Variants in CNTNAP3 observed in about 807,000 individuals in gnomAD.
The protein encoded by CNTNAP3 is contactin-associated protein-like 3.
A neutral mutation model predicts 92.1 loss-of-function variants in CNTNAP3; 36 were observed. The observed-to-expected ratio is 0.39, with a 90% CI of 0.30 to 0.52. The LOEUF (loss-of-function observed/expected upper bound fraction) is 0.52. Among genes scored for constraint, CNTNAP3 ranks in the 20% least tolerant of loss-of-function variants. The probability of loss-of-function intolerance (pLI) is 0.76; values close to 1 mark genes in which losing one functional copy is unlikely to be tolerated. For missense variants in CNTNAP3, 534 were observed against 1,069.6 expected, an observed-to-expected ratio of 0.50 and a Z score of 6.98; for synonymous variants, 232 against 422.3, an observed-to-expected ratio of 0.55 and a Z score of 5.53.
rs4062895 is a variant in CNTNAP3, at chr9:39,146,146, C to G, written c.1650-1800G>C. ...CAACATGAATTGTGAAAAATTTACA[C>G]GTAGTACAAATAATAGAGGAAGTAG... is the stretch of plus-strand genomic sequence containing the variant. On this transcript the variant is annotated intron_variant, in intron 10 of 23. Coordinates refer to ENST00000297668, the MANE Select transcript of CNTNAP3 (RefSeq NM_033655.5). Among the ~76,000 whole-genome samples, 3 of 147,802 alleles carry G rather than the reference C, an allele frequency of 2.0e-5. No individual in the cohort carries two copies. In the East Asian group the frequency reaches 6.0e-4, roughly 29 times the overall value.
At chr9:39,120,204 G>T (rs2117975281) in intron 13 of CNTNAP3, among the ~76,000 whole-genome samples, 1 of 152,264 alleles carries the variant, frequency 6.6e-6, no homozygotes, top group East Asian at 1.9e-4. Flanking sequence ...AAAGCAGCCT[G>T]AGAGAATAAC....
At position 39,103,883 on chromosome 9, in the gene CNTNAP3, A is replaced by T. The variant is rs1826529399; in HGVS notation, c.2397T>A (p.Thr799=). The T allele has an allele frequency of 6.2e-7, 1 of 1,610,468 alleles. No homozygotes were observed. The highest frequency in any genetic ancestry group is 1.7e-5 in the Admixed American group (1 of 59,830). The part of the protein sequence containing the change: ...QSFWNSASFN[T]ETSYLHFPAF... ...CAGGGAAATGAAGGTATGAAGTCTCAGTGTTGAAGGAAGCTGAATTCCAGA... is the reference window on the plus strand; with the variant it reads ...CAGGGAAATGAAGGTATGAAGTCTCTGTGTTGAAGGAAGCTGAATTCCAGA... Residue 799 remains threonine, a synonymous_variant, in exon 16 of 24, where the codon ACT becomes ACA. Coordinates refer to ENST00000297668, the MANE Select transcript of CNTNAP3 (RefSeq NM_033655.5).
chr9:39,118,399 G>A, intron 13 of CNTNAP3, 140 bp from the exon 14 acceptor site: 2 of 1,205,874 alleles, frequency 1.7e-6, no homozygotes, highest in Non-Finnish European at 2.3e-6. Flanking sequence ...TTAAATACTT[G>A]TATTTTACCT....
chr9:39,109,218 T>C lies in CNTNAP3; in HGVS notation c.2307A>G (p.Ala769=). Residue 769 remains alanine, a synonymous_variant, in exon 15 of 24, where the codon GCA becomes GCG. Transcript: ENST00000297668. ...LPVTQIVMTD[A]GRPHSEAAYT... is the part of the protein sequence containing the mutation. ...AAGCTGCTTCGGAATGTGGTCGGCC[T>C]GCGTCTGTCATCACAATCTGAGTGA... The C allele has an allele frequency of 6.2e-7, 1 of 1,612,986 alleles. No homozygotes were observed. Among genetic ancestry groups the C allele is most frequent in the South Asian group, 1.1e-5 (1 of 91,008 alleles).
At position 39,078,770 on chromosome 9, in the gene CNTNAP3, G is replaced by A; in HGVS notation, c.3593C>T (p.Ala1198Val). ...PSRVTVRGHV[A>V]PMARCAAGAA... The stretch of plus-strand genomic sequence containing the variant: ...CCCCGCTGCGCAGCGGGCCATAGGG[G>A]CCACGTGGCCGCGGACGGTGACCCG... The change falls in exon 22 of 24, where the codon GCC (alanine) becomes GTC (valine). Residue 1198 changes from alanine (A) to valine (V), a missense_variant. By Grantham distance (64) the Ala-to-Val change is moderately conservative. Coordinates refer to ENST00000297668, the MANE Select transcript of CNTNAP3 (RefSeq NM_033655.5). The A allele has an allele frequency of 2.6e-6, 4 of 1,517,612 alleles. No individual in the cohort carries two copies. The highest frequency in any genetic ancestry group is 3.5e-6 in the Non-Finnish European group (4 of 1,139,748). The allele number at this position is 1,517,612 out of a possible 1,614,324, so 94.0% of individuals were successfully genotyped here. A position where few individuals can be genotyped will look rare whatever the true frequency, so the allele number is the denominator to read the frequency against.
intron 4 of CNTNAP3, among the ~76,000 whole-genome samples, chr9:39,179,275 C>G (rs1307781850): frequency 1.2e-5 from 1 of 80,978 alleles, no homozygotes; most frequent in Admixed American, 1.6e-4. Context: ...CCTTAAAACT[C>G]TCTCTCTCTC....
In CNTNAP3 at chr9:39,078,963, A is replaced by C. The variant is rs1052129882; in HGVS notation, c.3443-43T>G. 314 of 1,466,918 alleles carry C rather than the reference A, an allele frequency of 2.1e-4. No individual in the cohort carries two copies. The African/African-American group carries it at 3.9e-3, about 18-fold the overall frequency. 90.9% of individuals were successfully genotyped at this position (1,466,918 alleles called of 1,614,324 possible). A position where few individuals can be genotyped will look rare whatever the true frequency, so the allele number is the denominator to read the frequency against. ...ACACACAGTTAGGGCGCAGCGGCGGAGATGGGGGCGCAGGCACACCCCGCA... is the reference window on the plus strand; with the variant it reads ...ACACACAGTTAGGGCGCAGCGGCGGCGATGGGGGCGCAGGCACACCCCGCA... On this transcript the variant is annotated intron_variant, in intron 21 of 23. Coordinates refer to ENST00000297668, the MANE Select transcript of CNTNAP3 (RefSeq NM_033655.5).
Position 39,104,466 on chromosome 9 carries a change from GCACATA to G in CNTNAP3, c.2366-558_2366-553del, listed in dbSNP as rs1214564486. On this transcript the variant is annotated intron_variant, in intron 15 of 23. Coordinates refer to ENST00000297668, the MANE Select transcript of CNTNAP3 (RefSeq NM_033655.5). ...AACACAGACTCTTGCTTTCCTTCCT[GCACATA>G]CACATACACACACACACACACACAC... Among the ~76,000 whole-genome samples, 1,068 of 112,140 alleles carry G rather than the reference GCACATA, an allele frequency of 9.5e-3. 3 individuals carry two copies. Among genetic ancestry groups the G allele is most frequent in the Non-Finnish European group, 0.015 (769 of 52,742 alleles). The allele number at this position is 112,140 out of a possible 152,430, so 73.6% of individuals were successfully genotyped here.
intron 15 of CNTNAP3, among the ~76,000 whole-genome samples, chr9:39,106,104 G>C (rs974654458): frequency 1.3e-5 from 2 of 152,082 alleles, no homozygotes; most frequent in African/African-American, 4.8e-5. Flanking sequence ...TAACCCAGTG[G>C]TCATTCCTTG....
chr9:39,132,913 C>A lies in CNTNAP3; in HGVS notation c.2080+19G>T. On this transcript the variant is annotated intron_variant, in intron 13 of 23. Transcript: ENST00000297668. Reference sequence around the variant, plus strand: ...CCCCGGCCCCGTGAACCCCTGTAGCCTCCAGGAGTGGCGCTTACCTCGTGA... The same window carrying A: ...CCCCGGCCCCGTGAACCCCTGTAGCATCCAGGAGTGGCGCTTACCTCGTGA... 1.3e-6 allele frequency: 2 copies of A among 1,538,106 alleles called. No individual in the cohort carries two copies. Among genetic ancestry groups the A allele is most frequent in the Non-Finnish European group, 8.7e-7 (1 of 1,151,296 alleles).
At chr9:39,110,335 G>A (rs900061740) in intron 14 of CNTNAP3, among the ~76,000 whole-genome samples, 17 of 152,140 alleles carry the variant, frequency 1.1e-4, no homozygotes, top group African/African-American at 3.6e-4. Context: ...GGTAGAGGCT[G>A]TAGTGAGCCA....
chr9:39,119,767 T>C (rs921887859), intron 13 of CNTNAP3, among the ~76,000 whole-genome samples: 1 of 152,054 alleles, frequency 6.6e-6, no homozygotes, highest in Non-Finnish European at 1.5e-5. Context: ...CGAAGAGAAT[T>C]CTGAAAGGTA....
intron 13 of CNTNAP3, among the ~76,000 whole-genome samples, chr9:39,129,186 A>C (rs56295228): frequency 0.16 from 23,912 of 151,918 alleles, 2,066 homozygotes; most frequent in East Asian, 0.2. Context: ...AGACTTACTT[A>C]AACAATCTTG....
At chr9:39,107,954 T>A (rs1826646830) in intron 15 of CNTNAP3, among the ~76,000 whole-genome samples, 1 of 152,140 alleles carries the variant, frequency 6.6e-6, no homozygotes, top group Non-Finnish European at 1.5e-5. Flanking sequence ...AAGGATAACA[T>A]ATCTGTCAAG....
rs867782013 is a variant in CNTNAP3 at position 39,095,008 on chromosome 9, T to C, written c.2995+4903A>G. Among the ~76,000 whole-genome samples, 2 of 151,234 alleles carry C rather than the reference T, an allele frequency of 1.3e-5. 1 individual carries two copies. The highest frequency in any genetic ancestry group is 3.9e-4 in the East Asian group (2 of 5,146). ...TCTATTTAGTTCTTTCTTTAATCTC[T>C]TTCAACAACGTTTTATAGTTTTCAA... On this transcript the variant is annotated intron_variant, in intron 18 of 23. Coordinates refer to ENST00000297668, the MANE Select transcript of CNTNAP3 (RefSeq NM_033655.5).
intron 9 of CNTNAP3, chr9:39,159,397 T>TTATATATATA (rs577052848): frequency 7.5e-6 from 1 of 132,722 alleles, no homozygotes; most frequent in Admixed American, 7.5e-5. Flanking sequence ...AAAAAACATT[T>TTATATATATA]TATATATATA....
At chr9:39,138,730 G>A (rs1272746657) in intron 12 of CNTNAP3, among the ~76,000 whole-genome samples, 1 of 152,180 alleles carries the variant, frequency 6.6e-6, no homozygotes, top group Non-Finnish European at 1.5e-5. Context: ...TGTCCACATC[G>A]AACATCCAAC....
At chr9:39,140,958 T>C (rs780082417) in intron 11 of CNTNAP3, among the ~76,000 whole-genome samples, 1 of 152,190 alleles carries the variant, frequency 6.6e-6, no homozygotes, top group Non-Finnish European at 1.5e-5. Context: ...TGTTCAAACA[T>C]GAAGATGTGC....
intron 13 of CNTNAP3, among the ~76,000 whole-genome samples, chr9:39,128,592 T>G (rs770056498): frequency 1.3e-5 from 2 of 151,988 alleles, no homozygotes; most frequent in Non-Finnish European, 2.9e-5. Flanking sequence ...GAAACAAGAA[T>G]GAATGCTTTT....
Sources: gnomAD v4.1 joint callset for allele counts (sites outside exome capture counted in the v4.1 genomes callset) on GRCh38, gnomAD v4.1.1 for gene constraint, MANE v1.5 for transcripts, NCBI Gene and HGNC (gene_info 2026-07-23, HGNC 2026-07-21) for gene names.